Variants in COMMD1 observed in about 807,000 individuals in gnomAD.
COMMD1 encodes the protein COMM domain-containing protein 1.
A neutral mutation model predicts 17.2 loss-of-function variants in COMMD1; 10 were observed. The ratio of observed to expected loss-of-function variants is 0.58; its 90% CI spans 0.36 to 0.99. COMMD1 has a LOEUF of 0.99. Ranked by LOEUF, COMMD1 falls within the 50% of genes least tolerant of loss-of-function variation. The probability of loss-of-function intolerance (pLI) is 0.01; values close to 1 mark genes in which losing one functional copy is unlikely to be tolerated. For missense variants in COMMD1, 270 were observed against 231.8 expected, an observed-to-expected ratio of 1.17 and a Z score of -1.07; for synonymous variants, 97 against 91.6, an observed-to-expected ratio of 1.06 and a Z score of -0.34.
chr2:61,969,363 AC>A (rs745316182), intron 1 of COMMD1, among the ~76,000 whole-genome samples: 78 of 152,310 alleles, frequency 5.1e-4, no homozygotes, highest in Non-Finnish European at 6.8e-4. Context: ...GATTAAAAAA[AC>A]ATTCTCTTTA....
intron 2 of COMMD1, among the ~76,000 whole-genome samples, chr2:62,121,581 T>TA (rs1672747693): frequency 1.3e-5 from 2 of 150,602 alleles, no homozygotes; most frequent in South Asian, 4.2e-4. Context: ...CTACTAAAAA[T>TA]ACAAAAATTA....
intron 2 of COMMD1, among the ~76,000 whole-genome samples, chr2:62,075,417 A>G (rs1055317708): frequency 3.3e-5 from 5 of 152,120 alleles, no homozygotes; most frequent in African/African-American, 1.2e-4. Flanking sequence ...CCTCACTCCC[A>G]TCCTGCAACT....
intron 1 of COMMD1, among the ~76,000 whole-genome samples, chr2:61,894,402 T>A (rs1669507597): frequency 6.6e-6 from 1 of 151,028 alleles, no homozygotes; most frequent in East Asian, 2.0e-4. Context: ...ATTCCCAGCC[T>A]AAAAAAGTGA....
At chr2:61,914,106 A>G (rs1326979880) in intron 1 of COMMD1, among the ~76,000 whole-genome samples, 2 of 152,028 alleles carry the variant, frequency 1.3e-5, no homozygotes, top group South Asian at 2.1e-4. Context: ...CAGGAGGCGG[A>G]GCTTGCAGTG....
chr2:62,049,944 G>C (rs770749237), intron 2 of COMMD1, among the ~76,000 whole-genome samples: 13 of 152,154 alleles, frequency 8.5e-5, no homozygotes, highest in Non-Finnish European at 1.3e-4. Context: ...TACTGTAATT[G>C]CATGAATATA....
At chr2:61,966,500 A>G (rs1230972053) in intron 1 of COMMD1, among the ~76,000 whole-genome samples, 1 of 152,240 alleles carries the variant, frequency 6.6e-6, no homozygotes, top group Non-Finnish European at 1.5e-5. Flanking sequence ...AATAGGAAAT[A>G]TGAATTTGCC....
At chr2:61,900,872 C>T (rs909250346), upstream of COMMD1, among the ~76,000 whole-genome samples, 2 of 152,104 alleles carry the variant, frequency 1.3e-5, no homozygotes, top group African/African-American at 4.8e-5. Context: ...ATTCTGAAAG[C>T]ATCTAGTAAT....
intron 2 of COMMD1, among the ~76,000 whole-genome samples, chr2:62,065,546 C>G (rs1671014159): frequency 6.6e-6 from 1 of 151,856 alleles, no homozygotes; most frequent in African/African-American, 2.4e-5. Flanking sequence ...ATTGTCTCTC[C>G]TGGGCTCAAG....
In COMMD1 at chr2:61,942,190, G is replaced by A. The variant is rs539785036; in HGVS notation, c.180+36332G>A. On this transcript the variant is annotated intron_variant, in intron 1 of 2. Coordinates refer to ENST00000311832, the MANE Select transcript of COMMD1 (RefSeq NM_152516.4). ...ATGATCTTGGCTCACTGCAACCTCC[G>A]CCTCCTAGGTTCAAGCGATTCTCCT... 1.3e-4 allele frequency among the ~76,000 whole-genome samples: 19 copies of A among 151,112 alleles called. 1 individual carries two copies. In the South Asian group the frequency reaches 3.8e-3, roughly 30 times the overall value.
chr2:62,042,301 C>T (rs1036628990), intron 2 of COMMD1, among the ~76,000 whole-genome samples: 5 of 152,194 alleles, frequency 3.3e-5, no homozygotes, highest in African/African-American at 7.2e-5. Context: ...CTGATTGGTG[C>T]GTTTGCAAAC....
At chr2:62,054,248 A>ATT (rs1670624120) in intron 2 of COMMD1, among the ~76,000 whole-genome samples, 1 of 152,208 alleles carries the variant, frequency 6.6e-6, no homozygotes, top group South Asian at 2.1e-4. Flanking sequence ...AAGAATGTAA[A>ATT]TTAGCACATC....
chr2:62,067,182 G>A (rs12618996), intron 2 of COMMD1, among the ~76,000 whole-genome samples: 20,871 of 151,224 alleles, frequency 0.14, 1,556 homozygotes, highest in East Asian at 0.2. Context: ...CAGAGATGGT[G>A]CCACTGCATT....
chr2:62,019,127 C>CCCTCCCTT lies in COMMD1; in HGVS notation c.462+18149_462+18156dup, dbSNP rs1315590016. 1.6e-4 allele frequency among the ~76,000 whole-genome samples: 20 copies of CCCTCCCTT among 121,608 alleles called. No homozygotes were observed. The East Asian group carries it at 1.8e-3, about 11-fold the overall frequency. 79.8% of individuals were successfully genotyped at this position (121,608 alleles called of 152,430 possible). Reference sequence around the variant, plus strand: ...TCCCTCCCTCCCTCCCTCCCTCCCTCCCTCCCTTCCTTCCTTCCTTCCTTC... The same window carrying CCCTCCCTT: ...TCCCTCCCTCCCTCCCTCCCTCCCTCCCTCCCTTCCTCCCTTCCTTCCTTCCTTCCTTC... On this transcript the variant is annotated intron_variant, in intron 2 of 2. Coordinates refer to ENST00000311832, the MANE Select transcript of COMMD1 (RefSeq NM_152516.4).
chr2:62,047,276 A>G (rs768427868), intron 2 of COMMD1, among the ~76,000 whole-genome samples: 93 of 152,302 alleles, frequency 6.1e-4, no homozygotes, highest in Non-Finnish European at 9.3e-4. Flanking sequence ...GTGACATTGT[A>G]GCTGTTGTAA....
intron 1 of COMMD1, among the ~76,000 whole-genome samples, chr2:61,910,543 G>A (rs1257359650): frequency 1.3e-5 from 2 of 152,032 alleles, no homozygotes; most frequent in African/African-American, 2.4e-5. Context: ...CACTGCGTCC[G>A]GCCCAACACT....
At chr2:62,053,790 A>G (rs957312245) in intron 2 of COMMD1, among the ~76,000 whole-genome samples, 2 of 152,200 alleles carry the variant, frequency 1.3e-5, no homozygotes, top group Admixed American at 6.5e-5. Flanking sequence ...GTATTTACAT[A>G]TGGCTGAATG....
chr2:61,920,965 G>GTATATATATATATGTGTGTA (rs1553367991), intron 1 of COMMD1, among the ~76,000 whole-genome samples: 12 of 127,922 alleles, frequency 9.4e-5, no homozygotes, highest in African/African-American at 3.3e-4. Flanking sequence ...ATATATGTGT[G>GTATATATATATATGTGTGTA]TATATATATA....
chr2:62,044,477 C>T (rs1038650120), intron 2 of COMMD1, among the ~76,000 whole-genome samples: 4 of 152,112 alleles, frequency 2.6e-5, no homozygotes, highest in African/African-American at 9.7e-5. Flanking sequence ...TTTTAAGCTA[C>T]CAATTTAAGC....
intron 1 of COMMD1, among the ~76,000 whole-genome samples, chr2:61,970,324 T>G (rs919211700): frequency 1.3e-5 from 2 of 151,872 alleles, no homozygotes; most frequent in Non-Finnish European, 2.9e-5. Flanking sequence ...TTCTGCATTT[T>G]AAAAAATTAT....
Sources: allele counts gnomAD v4.1 joint callset (sites outside exome capture counted in the v4.1 genomes callset), GRCh38; gene constraint gnomAD v4.1.1; transcripts MANE v1.5; gene names NCBI Gene and HGNC (gene_info 2026-07-23, HGNC 2026-07-21).